GRID2: variants seen among roughly 807,000 people sequenced by gnomAD.
GRID2 encodes glutamate ionotropic receptor delta type subunit 2, also known as glutamate receptor ionotropic, delta-2.
Under a neutral mutation model 114.8 loss-of-function variants are expected in GRID2, and 33 were observed. The ratio of observed to expected loss-of-function variants is 0.29; its 90% CI spans 0.22 to 0.38. The LOEUF is 0.38. GRID2 is among the 10% of genes least tolerant of loss of function. The probability of loss-of-function intolerance (pLI) is 1.00; values close to 1 mark genes in which losing one functional copy is unlikely to be tolerated. For synonymous variants in GRID2, 505 were observed against 449.9 expected (o/e 1.12, Z -1.55); for missense variants, 1,184 against 1,257.7 (o/e 0.94, Z 0.89).
At chr4:93,142,005 T>G (rs1735812261) in intron 4 of GRID2, among the ~76,000 whole-genome samples, 1 of 152,126 alleles carries the variant, frequency 6.6e-6, no homozygotes, top group Admixed American at 6.5e-5. Flanking sequence ...CCCAGCACTG[T>G]GGGCAGCCAG....
At chr4:92,445,282 A>T (rs1733393688) in intron 1 of GRID2, among the ~76,000 whole-genome samples, 1 of 152,210 alleles carries the variant, frequency 6.6e-6, no homozygotes, top group African/African-American at 2.4e-5. Flanking sequence ...TTTTATAATC[A>T]CAATGTCGTG....
chr4:93,526,996 T>G (rs1578192429), intron 13 of GRID2, among the ~76,000 whole-genome samples: 1 of 152,174 alleles, frequency 6.6e-6, no homozygotes. Context: ...CAGGTTAGTG[T>G]GTATGTATAT....
At chr4:92,794,866 T>C (rs1578200752) in intron 2 of GRID2, among the ~76,000 whole-genome samples, 1 of 116,946 alleles carries the variant, frequency 8.6e-6, no homozygotes, top group East Asian at 2.5e-4. Context: ...ATTTAATAAA[T>C]AATTGTTTTA....
intron 4 of GRID2, among the ~76,000 whole-genome samples, chr4:93,138,770 G>C (rs1735500243): frequency 6.6e-6 from 1 of 152,094 alleles, no homozygotes; most frequent in Admixed American, 6.6e-5. Flanking sequence ...TGTTACTTTA[G>C]GTTGCTAACT....
chr4:92,664,723 T>C (rs1490037265), intron 2 of GRID2, among the ~76,000 whole-genome samples: 2 of 151,234 alleles, frequency 1.3e-5, no homozygotes, highest in South Asian at 2.1e-4. Context: ...TGTTATTAGG[T>C]ACATGAATGT....
chr4:92,788,061 T>A (rs993783629), intron 2 of GRID2, among the ~76,000 whole-genome samples: 8 of 151,742 alleles, frequency 5.3e-5, no homozygotes, highest in African/African-American at 1.7e-4. Context: ...AGGCCTAATA[T>A]AATTGTGGAT....
At chr4:92,628,189 A>G (rs1051914681) in intron 2 of GRID2, among the ~76,000 whole-genome samples, 6 of 152,142 alleles carry the variant, frequency 3.9e-5, no homozygotes, top group African/African-American at 1.4e-4. Flanking sequence ...AGCTCTCATT[A>G]GCCAGCAGGA....
intron 11 of GRID2, among the ~76,000 whole-genome samples, chr4:93,466,896 T>C (rs182404158): frequency 5.3e-5 from 8 of 152,356 alleles, no homozygotes; most frequent in Non-Finnish European, 1.2e-4. Context: ...TAAATATAGA[T>C]TGAAAGAAAG....
chr4:92,545,166 A>G (rs1447267792), intron 1 of GRID2, among the ~76,000 whole-genome samples: 1 of 151,970 alleles, frequency 6.6e-6, no homozygotes, highest in Non-Finnish European at 1.5e-5. Context: ...AAAAAGAATG[A>G]AATGAAAACC....
At chr4:92,524,560 A>T (rs1057431422) in intron 1 of GRID2, among the ~76,000 whole-genome samples, 4 of 151,424 alleles carry the variant, frequency 2.6e-5, no homozygotes, top group African/African-American at 9.7e-5. Context: ...TCTCTTCCAC[A>T]TTGAAAGGAT....
At chr4:92,566,274 G>T (rs985280792) in intron 1 of GRID2, among the ~76,000 whole-genome samples, 1 of 151,792 alleles carries the variant, frequency 6.6e-6, no homozygotes, top group Admixed American at 6.6e-5. Flanking sequence ...AATTCAATAT[G>T]GAAATATTTC....
intron 1 of GRID2, among the ~76,000 whole-genome samples, chr4:92,385,513 C>T (rs79394261): frequency 0.019 from 2,914 of 151,334 alleles, 38 homozygotes; most frequent in Middle Eastern, 0.037. Context: ...ACCATGTTAA[C>T]GCTATGAAAA....
At chr4:93,311,183 T>C (rs1022255779) in intron 8 of GRID2, among the ~76,000 whole-genome samples, 1 of 152,124 alleles carries the variant, frequency 6.6e-6, no homozygotes, top group African/African-American at 2.4e-5. Context: ...AAGAGGTTTA[T>C]TGAAGTGCTA....
chr4:93,327,469 A>G (rs1213626897), intron 8 of GRID2, among the ~76,000 whole-genome samples: 2 of 152,208 alleles, frequency 1.3e-5, no homozygotes, highest in East Asian at 1.9e-4. Context: ...TGTCAGTTCT[A>G]TCTTAAGTAG....
chr4:93,396,863 T>A (rs1343023158), intron 9 of GRID2, among the ~76,000 whole-genome samples: 1 of 152,058 alleles, frequency 6.6e-6, no homozygotes, highest in Non-Finnish European at 1.5e-5. Flanking sequence ...TCCTTTGCTA[T>A]TCCAATGTGT....
chr4:93,335,529 C>T (rs1758966843), intron 8 of GRID2, among the ~76,000 whole-genome samples: 1 of 152,064 alleles, frequency 6.6e-6, no homozygotes, highest in South Asian at 2.1e-4. Context: ...GCAATACAAA[C>T]CTAGCATAAA....
At chr4:92,780,616 G>C (rs1172181224) in intron 2 of GRID2, among the ~76,000 whole-genome samples, 2 of 152,088 alleles carry the variant, frequency 1.3e-5, no homozygotes, top group Admixed American at 1.3e-4. Context: ...GTAGCACTTA[G>C]TCCTTAAGGT....
At chr4:93,057,084 A>G (rs930568812) in intron 2 of GRID2, among the ~76,000 whole-genome samples, 1 of 151,870 alleles carries the variant, frequency 6.6e-6, no homozygotes, top group African/African-American at 2.4e-5. Context: ...ATACAGCTCT[A>G]TATAATTGAA....
chr4:93,003,563 T>A (rs558132211), intron 2 of GRID2, among the ~76,000 whole-genome samples: 1 of 151,142 alleles, frequency 6.6e-6, no homozygotes, highest in Non-Finnish European at 1.5e-5. Flanking sequence ...ACTTTTCTTA[T>A]CTCTCCTCAC....
Sources: gnomAD v4.1 joint callset for allele counts (sites outside exome capture counted in the v4.1 genomes callset) on GRCh38, gnomAD v4.1.1 for gene constraint, MANE v1.5 for transcripts, NCBI Gene and HGNC (gene_info 2026-07-23, HGNC 2026-07-21) for gene names.